RPTOR: variants seen among roughly 807,000 people sequenced by gnomAD.
RPTOR encodes regulatory-associated protein of mTOR.
In RPTOR, 21 loss-of-function variants were observed where a neutral mutation model predicts 169.9. That is an observed-to-expected ratio of 0.12 (90% CI 0.09 to 0.18). The LOEUF (loss-of-function observed/expected upper bound fraction) is 0.18. Among genes scored for constraint, RPTOR ranks in the 10% least tolerant of loss-of-function variants. The probability of loss-of-function intolerance (pLI) is 1.00; values close to 1 mark genes in which losing one functional copy is unlikely to be tolerated. For synonymous variants in RPTOR, 732 were observed against 753.2 expected, an observed-to-expected ratio of 0.97 and a Z score of 0.46; for missense variants, 1,133 against 1,855.9, an observed-to-expected ratio of 0.61 and a Z score of 7.16.
At position 80,820,100 on chromosome 17, in the gene RPTOR, C is replaced by T. The variant is rs562234435; in HGVS notation, c.891-2101C>T. 2.0e-5 allele frequency among the ~76,000 whole-genome samples: 3 copies of T among 152,262 alleles called. No homozygotes were observed. Among genetic ancestry groups the T allele is most frequent in the African/African-American group, 7.2e-5 (3 of 41,534 alleles). ...GCTGAAGATCAGCAACTCCCGTGTC[C>T]TCCTTCCTTGCACAGTCGGGCCACT... On this transcript the variant is annotated intron_variant, in intron 7 of 33. Transcript: ENST00000306801. This position sits in a 1 kb window ranked among gnomAD's most constrained non-coding sequence, Gnocchi z 4.1.
intron 2 of RPTOR, among the ~76,000 whole-genome samples, chr17:80,627,681 T>G (rs1244595196): frequency 6.6e-6 from 1 of 152,236 alleles, no homozygotes; most frequent in Non-Finnish European, 1.5e-5. Context: ...ACAATTTGTT[T>G]ATCCATTTAC....
chr17:80,811,030 C>G (rs1381398454), intron 7 of RPTOR, among the ~76,000 whole-genome samples: 1 of 152,266 alleles, frequency 6.6e-6, no homozygotes, highest in Admixed American at 6.5e-5. Context: ...AAAATACATA[C>G]AGTTTGACTT....
chr17:80,948,880 G>A (rs958249619), intron 27 of RPTOR, among the ~76,000 whole-genome samples: 2 of 152,140 alleles, frequency 1.3e-5, no homozygotes, highest in Non-Finnish European at 2.9e-5. Context: ...TGAAGAGCAG[G>A]GCAGTGCGTC....
rs147710264 is a variant in RPTOR at position 80,895,095 on chromosome 17, G to C, written c.2401+1230G>C. Among the ~76,000 whole-genome samples, 460 of 152,284 alleles carry C rather than the reference G, an allele frequency of 3.0e-3. 4 individuals are homozygous for C. Among genetic ancestry groups the C allele is most frequent in the African/African-American group, 0.011 (445 of 41,546 alleles). On this transcript the variant is annotated intron_variant, in intron 20 of 33. Coordinates refer to ENST00000306801, the MANE Select transcript of RPTOR (RefSeq NM_020761.3). ...GTGAGGCCGGTTCTAGTTTCTTCTT[G>C]CCTTTTGTTCCTTTTCTTAATAAGC...
chr17:80,586,464 G>A (rs187416554), intron 1 of RPTOR, among the ~76,000 whole-genome samples: 5 of 152,292 alleles, frequency 3.3e-5, no homozygotes, highest in Middle Eastern at 3.4e-3. Flanking sequence ...CAACACTTCA[G>A]TTTCTGTTTC....
At chr17:80,884,020 C>T (rs1025351601) in intron 16 of RPTOR, 48 bp downstream of exon 16, 34 of 1,573,198 alleles carry the variant, frequency 2.2e-5, no homozygotes, top group East Asian at 6.8e-5. Flanking sequence ...CTGCCGACTG[C>T]GGGGGTAAGG....
intron 13 of RPTOR, among the ~76,000 whole-genome samples, chr17:80,866,129 G>A (rs956732746): frequency 1.3e-4 from 20 of 149,382 alleles, no homozygotes; most frequent in African/African-American, 4.4e-4. Flanking sequence ...ATTATAAGTC[G>A]TGAATAACAA....
chr17:80,588,571 A>G (rs1599580252), intron 1 of RPTOR, among the ~76,000 whole-genome samples: 1 of 152,172 alleles, frequency 6.6e-6, no homozygotes, highest in Non-Finnish European at 1.5e-5. Context: ...GCCGATTTCA[A>G]TTCCTTTGGA....
chr17:80,700,040 C>G (rs570104936), intron 3 of RPTOR, among the ~76,000 whole-genome samples: 7 of 152,210 alleles, frequency 4.6e-5, no homozygotes, highest in Admixed American at 3.9e-4. Context: ...TAGAAAATGA[C>G]CAGGCAAGAC....
intron 4 of RPTOR, among the ~76,000 whole-genome samples, chr17:80,719,477 G>T (rs1250567797): frequency 2.6e-5 from 4 of 152,146 alleles, no homozygotes; most frequent in African/African-American, 9.7e-5. Context: ...TATTAAAGTG[G>T]CATCTTCTCA....
chr17:80,595,486 C>T (rs567808978), intron 1 of RPTOR, among the ~76,000 whole-genome samples: 54 of 152,256 alleles, frequency 3.5e-4, no homozygotes, highest in African/African-American at 1.1e-3. Flanking sequence ...GATGGGGTCT[C>T]GCTCATTCGC....
At chr17:80,639,446 C>T (rs979843658) in intron 2 of RPTOR, among the ~76,000 whole-genome samples, 1 of 152,020 alleles carries the variant, frequency 6.6e-6, no homozygotes, top group African/African-American at 2.4e-5. Context: ...ACTGATCATA[C>T]CCATGGACCC....
At chr17:80,714,053 C>T (rs549439702) in intron 4 of RPTOR, among the ~76,000 whole-genome samples, 1 of 152,120 alleles carries the variant, frequency 6.6e-6, no homozygotes, top group Admixed American at 6.5e-5. Flanking sequence ...ATTCTCCTGC[C>T]TCAGCCTCCC....
At position 80,855,539 on chromosome 17, in the gene RPTOR, G is replaced by T; in HGVS notation, c.1390G>T (p.Val464Leu). 6.2e-7 allele frequency: 1 copy of T among 1,612,382 alleles called. No individual in the cohort carries two copies. Among genetic ancestry groups the T allele is most frequent in the East Asian group, 2.2e-5 (1 of 44,876 alleles). Residue 464 changes from valine to leucine, a missense_variant, in exon 12 of 34, where the codon GTG becomes TTG. Physicochemically the swap from Val to Leu is conservative, Grantham distance 32. Coordinates refer to ENST00000306801, the MANE Select transcript of RPTOR (RefSeq NM_020761.3). Reference protein sequence around the residue: ...GRFLDLGPWAVSLALSVGIFP... With the variant: ...GRFLDLGPWALSLALSVGIFP... ...ATTTTTGGACCTGGGTCCCTGGGCA[G>T]TGAGCCTGGTGCGTGCCTTCCGCAT...
intron 9 of RPTOR, among the ~76,000 whole-genome samples, chr17:80,831,023 GGT>G (rs927161033): frequency 2.6e-5 from 4 of 152,138 alleles, no homozygotes; most frequent in Admixed American, 1.3e-4. Context: ...GGAATTAACA[GGT>G]GTGTGCCACC....
At chr17:80,809,723 C>T (rs2067254010) in intron 7 of RPTOR, among the ~76,000 whole-genome samples, 1 of 152,088 alleles carries the variant, frequency 6.6e-6, no homozygotes, top group Non-Finnish European at 1.5e-5. Flanking sequence ...TTTGCTAAGT[C>T]TGTGGCTTGT....
chr17:80,566,961 C>T (rs1032433124), intron 1 of RPTOR, among the ~76,000 whole-genome samples: 1 of 150,472 alleles, frequency 6.6e-6, no homozygotes. Flanking sequence ...TCTCTATTAG[C>T]TTATTAGCTG....
At chr17:80,821,796 G>A (rs1392718623) in intron 7 of RPTOR, among the ~76,000 whole-genome samples, 1 of 152,218 alleles carries the variant, frequency 6.6e-6, no homozygotes, top group Non-Finnish European at 1.5e-5. Context: ...CTCCCAGCAT[G>A]GACGGTGTAC....
At chr17:80,652,324 A>G (rs1416055242) in intron 3 of RPTOR, among the ~76,000 whole-genome samples, 5 of 152,154 alleles carry the variant, frequency 3.3e-5, no homozygotes, top group East Asian at 1.9e-4. Flanking sequence ...CTCCTCCCCC[A>G]GGCCCAGGCA....
Sources: gnomAD v4.1 joint callset for allele counts (sites outside exome capture counted in the v4.1 genomes callset) on GRCh38, gnomAD v4.1.1 for gene constraint, Gnocchi (gnomAD v3.1) non-coding constraint, MANE v1.5 for transcripts, NCBI Gene and HGNC (gene_info 2026-07-23, HGNC 2026-07-21) for gene names.